DPP6: variants seen among roughly 807,000 people sequenced by gnomAD.
The protein encoded by DPP6 is dipeptidyl peptidase like 6.
A neutral mutation model predicts 122.6 loss-of-function variants in DPP6; 69 were observed. The ratio of observed to expected loss-of-function variants is 0.56; its 90% CI spans 0.46 to 0.69. The LOEUF (loss-of-function observed/expected upper bound fraction) is 0.69. DPP6 is among the 30% of genes least tolerant of loss of function. The pLI is 0.00. For synonymous variants in DPP6, 418 were observed against 433.1 expected (o/e 0.97, Z 0.43); for missense variants, 928 against 1,116.9 (o/e 0.83, Z 2.41).
Position 154,893,548 on chromosome 7 carries a change from G to C in DPP6, c.*1068G>C, listed in dbSNP as rs1806821415. On this transcript the variant is annotated 3_prime_UTR_variant, in exon 26 of 26. Coordinates refer to ENST00000377770, the MANE Select transcript of DPP6 (RefSeq NM_130797.4). Reference sequence around the variant, plus strand: ...TGTGTGCTCGGGCCACGGGAGTCCTGAGGGTTCTGTGGGCCTGCGCGCATC... The same window carrying C: ...TGTGTGCTCGGGCCACGGGAGTCCTCAGGGTTCTGTGGGCCTGCGCGCATC... 1 of 150,936 alleles carries C rather than the reference G, an allele frequency of 6.6e-6. No individual in the cohort carries two copies. The highest frequency in any genetic ancestry group is 1.5e-5 in the Non-Finnish European group (1 of 67,926). 9.3% of individuals were successfully genotyped at this position (150,936 alleles called of 1,614,324 possible). A position where few individuals can be genotyped will look rare whatever the true frequency, so the allele number is the denominator to read the frequency against.
intron 1 of DPP6, among the ~76,000 whole-genome samples, chr7:154,323,368 A>T (rs1177240543): frequency 6.6e-6 from 1 of 151,804 alleles, no homozygotes; most frequent in Admixed American, 6.6e-5. Context: ...AAAGGCTGTA[A>T]GAAATGAGGG....
chr7:153,763,147 T>A, the DPP6 span, among the ~76,000 whole-genome samples: 9 of 152,132 alleles, frequency 5.9e-5, no homozygotes, highest in Non-Finnish European at 1.3e-4. Flanking sequence ...CCTGATGCAG[T>A]CATGTGAAAT....
chr7:154,271,883 G>A (rs1382543200), intron 1 of DPP6, among the ~76,000 whole-genome samples: 5 of 152,128 alleles, frequency 3.3e-5, no homozygotes, highest in Non-Finnish European at 7.3e-5. Flanking sequence ...CTTTATCTCC[G>A]GGGTTTCCTG....
Position 154,820,785 on chromosome 7 carries a change from GA to G in DPP6, c.1666+13680del, listed in dbSNP as rs923436501. 1.2e-3 allele frequency among the ~76,000 whole-genome samples: 188 copies of G among 152,246 alleles called. 1 individual carries two copies. The highest frequency in any genetic ancestry group is 4.3e-3 in the African/African-American group (178 of 41,558). Reference sequence around the variant, plus strand: ...GGAAGAAATAAATCAAGATATGATGGAAAAAAACTTTCCCCATGCTTTTGAG... The same window carrying G: ...GGAAGAAATAAATCAAGATATGATGGAAAAAACTTTCCCCATGCTTTTGAG... On this transcript the variant is annotated intron_variant, in intron 16 of 25. Transcript: ENST00000377770.
chr7:154,381,281 T>A (rs1813581202), intron 1 of DPP6, among the ~76,000 whole-genome samples: 1 of 152,128 alleles, frequency 6.6e-6, no homozygotes, highest in South Asian at 2.1e-4. Flanking sequence ...CCTTAGGGGG[T>A]GCCTTTTACT....
intron 1 of DPP6, among the ~76,000 whole-genome samples, chr7:154,365,199 A>G (rs1229268885): frequency 1.3e-5 from 2 of 152,224 alleles, no homozygotes; most frequent in Non-Finnish European, 2.9e-5. Context: ...GCCACATGGA[A>G]TTAAAGGGCT....
rs3864500 is a variant in DPP6, at chr7:153,966,278, T to G, written c.51+78544T>G. Among the ~76,000 whole-genome samples, 234 of 149,868 alleles carry G rather than the reference T, an allele frequency of 1.6e-3. 1 individual carries two copies. Among genetic ancestry groups the G allele is most frequent in the Middle Eastern group, 3.4e-3 (1 of 290 alleles). The stretch of plus-strand genomic sequence containing the variant: ...AGTCAGCAATTGCTTTGTGTGTTTG[T>G]GCACGTGTTCATGTTTGTGCATGTG... On this transcript the variant is annotated intron_variant, in intron 1 of 25. Coordinates refer to the DPP6 transcript ENST00000404039.
chr7:154,331,881 C>T (rs994409324), intron 1 of DPP6, among the ~76,000 whole-genome samples: 16 of 152,180 alleles, frequency 1.1e-4, no homozygotes, highest in African/African-American at 3.6e-4. Context: ...AGGATGTTCT[C>T]TTCTTATGGT....
chr7:153,906,436 T>C (rs1799853905), intron 1 of DPP6, among the ~76,000 whole-genome samples: 1 of 152,238 alleles, frequency 6.6e-6, no homozygotes, highest in Non-Finnish European at 1.5e-5. Flanking sequence ...CAGTTATAAG[T>C]GAGGATGTGT....
chr7:153,971,344 T>A (rs1430569816), intron 1 of DPP6, among the ~76,000 whole-genome samples: 1 of 151,690 alleles, frequency 6.6e-6, no homozygotes, highest in Non-Finnish European at 1.5e-5. Flanking sequence ...CTTAGGATTT[T>A]CTACATAGCT....
intron 6 of DPP6, among the ~76,000 whole-genome samples, chr7:154,649,575 C>A (rs530945210): frequency 7.2e-5 from 11 of 152,292 alleles, no homozygotes; most frequent in African/African-American, 2.6e-4. Flanking sequence ...CAGGTGGAAT[C>A]CACCATGCCC....
intron 8 of DPP6, among the ~76,000 whole-genome samples, chr7:154,763,387 A>G (rs1795694118): frequency 6.6e-6 from 1 of 152,056 alleles, no homozygotes; most frequent in African/African-American, 2.4e-5. Context: ...AAAGAAAGAA[A>G]GGGAAAGGGA....
chr7:153,962,742 A>G (rs933792037), intron 1 of DPP6, among the ~76,000 whole-genome samples: 4 of 152,144 alleles, frequency 2.6e-5, no homozygotes, highest in Non-Finnish European at 4.4e-5. Flanking sequence ...TCATCCACCC[A>G]TGTGGAACCA....
chr7:154,313,716 C>CATATATATATATATATATACACAT (rs1563460534), intron 1 of DPP6, among the ~76,000 whole-genome samples: 1 of 22,304 alleles, frequency 4.5e-5, no homozygotes, highest in African/African-American at 1.1e-4. Flanking sequence ...TATATATATA[C>CATATATATATATATATATACACAT]ACACACACGC....
chr7:154,190,189 G>A (rs2150763627), intron 1 of DPP6, among the ~76,000 whole-genome samples: 1 of 152,278 alleles, frequency 6.6e-6, no homozygotes, highest in Non-Finnish European at 1.5e-5. Context: ...GATATACTAG[G>A]TGCATGACTA....
chr7:154,837,939 A>C (rs188564997), intron 16 of DPP6, among the ~76,000 whole-genome samples: 25 of 152,318 alleles, frequency 1.6e-4, no homozygotes, highest in South Asian at 6.2e-4. Context: ...CAAAGCAAAG[A>C]AAATAAGACT....
chr7:154,623,581 G>A (rs62477224), intron 5 of DPP6, among the ~76,000 whole-genome samples: 28 of 137,002 alleles, frequency 2.0e-4, no homozygotes, highest in Non-Finnish European at 2.5e-4. Context: ...ACACACGCAC[G>A]CACACGCGCA....
At chr7:154,181,728 C>A (rs1182326277) in intron 1 of DPP6, among the ~76,000 whole-genome samples, 2 of 150,458 alleles carry the variant, frequency 1.3e-5, no homozygotes, top group Non-Finnish European at 3.0e-5. Context: ...GTGTGGTGCA[C>A]TCATGAAAAT....
chr7:153,981,017 A>G (rs901009588), intron 1 of DPP6, among the ~76,000 whole-genome samples: 5 of 152,200 alleles, frequency 3.3e-5, no homozygotes, highest in Non-Finnish European at 7.3e-5. Context: ...AAGAATGTAT[A>G]TTCTGTTGAT....
Sources: gnomAD v4.1 joint callset for allele counts (sites outside exome capture counted in the v4.1 genomes callset) on GRCh38, gnomAD v4.1.1 for gene constraint, MANE v1.5 for transcripts, NCBI Gene and HGNC (gene_info 2026-07-23, HGNC 2026-07-21) for gene names.